Variants in SRRT observed in about 807,000 individuals in gnomAD.
The protein encoded by SRRT is serrate, RNA effector molecule, also known as serrate RNA effector molecule homolog.
Under a neutral mutation model 103.2 loss-of-function variants are expected in SRRT, and 32 were observed. That is an observed-to-expected ratio of 0.31 (90% CI 0.23 to 0.42). The LOEUF (loss-of-function observed/expected upper bound fraction) is 0.42, where lower values mean the gene tolerates loss of function less well. SRRT is among the 10% of genes least tolerant of loss of function. The pLI, the probability that SRRT is intolerant of heterozygous loss-of-function variation, is 1.00. For synonymous variants in SRRT, 525 were observed against 449.0 expected, an observed-to-expected ratio of 1.17 and a Z score of -2.14; for missense variants, 986 against 1,207.5, an observed-to-expected ratio of 0.82 and a Z score of 2.72.
rs961069414 is a variant in SRRT at position 100,885,247 on chromosome 7, A to G, written c.1194A>G (p.Glu398=). 2.7e-5 allele frequency: 43 copies of G among 1,613,936 alleles called. No homozygotes were observed. Among genetic ancestry groups the G allele is most frequent in the Non-Finnish European group, 3.4e-5 (40 of 1,179,960 alleles). ...EALKEKEKPK[E]EEWEKPKDAA... ...TCAAGGAGAAGGAGAAGCCCAAGGAAGAAGAATGGGAGAAGCCCAAGGACG... is the reference window on the plus strand; with the variant it reads ...TCAAGGAGAAGGAGAAGCCCAAGGAGGAAGAATGGGAGAAGCCCAAGGACG... Residue 398 remains glutamate (E), a synonymous_variant, in exon 10 of 20, where the codon GAA becomes GAG. Coordinates refer to ENST00000611405, the MANE Select transcript of SRRT (RefSeq NM_015908.6). This position sits in a 1 kb window ranked among gnomAD's most constrained non-coding sequence, Gnocchi z 4.8.
intron 1 of SRRT, 84 bp downstream of exon 1, chr7:100,875,412 G>A: frequency 7.0e-7 from 1 of 1,420,906 alleles, no homozygotes; most frequent in South Asian, 1.4e-5. Flanking sequence ...AGAAACTCGG[G>A]GCGAGTGGAG....
chr7:100,879,887 G>C (rs889606705), intron 2 of SRRT, among the ~76,000 whole-genome samples: 2 of 152,112 alleles, frequency 1.3e-5, no homozygotes, highest in African/African-American at 2.4e-5. Flanking sequence ...GGTGACTGGT[G>C]GAGAGGCTGG....
At chr7:100,880,010 C>G (rs535516693) in intron 2 of SRRT, among the ~76,000 whole-genome samples, 1 of 152,312 alleles carries the variant, frequency 6.6e-6, no homozygotes, top group East Asian at 1.9e-4. Context: ...TGAGGAAGGT[C>G]TGCCTGCCAG....
intron 2 of SRRT, 71 bp downstream of exon 2, chr7:100,875,783 TC>T: frequency 6.3e-7 from 1 of 1,584,136 alleles, no homozygotes; most frequent in Non-Finnish European, 8.6e-7. Flanking sequence ...CTTTTCTTTC[TC>T]CCCCTTGTAA....
chr7:100,876,004 G>GAT (rs1815658358), intron 2 of SRRT: 1 of 352,246 alleles, frequency 2.8e-6, no homozygotes, highest in Non-Finnish European at 5.5e-6. Context: ...TTGTTATTGA[G>GAT]ATGGGGTCTT....
Position 100,885,653 on chromosome 7 carries a change from C to G in SRRT, c.1318-48C>G. 1.3e-6 allele frequency: 2 copies of G among 1,557,312 alleles called. No individual in the cohort carries two copies. Among genetic ancestry groups the G allele is most frequent in the Non-Finnish European group, 1.7e-6 (2 of 1,144,848 alleles). On this transcript the variant is annotated intron_variant, in intron 10 of 19. Coordinates refer to ENST00000611405, the MANE Select transcript of SRRT (RefSeq NM_015908.6). The surrounding 1 kb of genome is among the most constrained non-coding windows in gnomAD (Gnocchi z 4.8). ...GGCAGTGGGGGATTGGAGGAAGAAG[C>G]GAATGAATCCTTGAGTCACTGTGGG...
chr7:100,886,191 G>GT, intron 12 of SRRT, 56 bp from the exon 13 acceptor site: 2 of 1,571,660 alleles, frequency 1.3e-6, no homozygotes, highest in Non-Finnish European at 8.6e-7. Flanking sequence ...TAGAGCTGCT[G>GT]TTTCTCTGGC....
intron 6 of SRRT, 33 bp from the exon 7 acceptor site, chr7:100,884,335 T>C: frequency 6.2e-7 from 1 of 1,613,120 alleles, no homozygotes; most frequent in Non-Finnish European, 8.5e-7. Context: ...GCCAGGGCCC[T>C]GGGGTCATGA....
In SRRT at chr7:100,887,284, C is replaced by T; in HGVS notation, c.1976-36C>T. 6.2e-7 allele frequency: 1 copy of T among 1,610,264 alleles called. No homozygotes were observed. Among genetic ancestry groups the T allele is most frequent in the Non-Finnish European group, 8.5e-7 (1 of 1,177,204 alleles). ...TGCCACCATCCTTCCTTCTGGCTCCCTTGCCAACCTTCCTTCCTCTGTTCC... is the reference window on the plus strand; with the variant it reads ...TGCCACCATCCTTCCTTCTGGCTCCTTTGCCAACCTTCCTTCCTCTGTTCC... On this transcript the variant is annotated intron_variant, in intron 15 of 19. Transcript: ENST00000611405. This position sits in a 1 kb window ranked among gnomAD's most constrained non-coding sequence, Gnocchi z 4.1.
At chr7:100,884,581 C>G in intron 7 of SRRT, 29 bp downstream of exon 7, 1 of 1,581,610 alleles carries the variant, frequency 6.3e-7, no homozygotes, top group Non-Finnish European at 8.6e-7. Flanking sequence ...CTAGTGTTGT[C>G]CCTGGCAGCC....
At chr7:100,883,396 T>C (rs1789760009) in intron 5 of SRRT, among the ~76,000 whole-genome samples, 1 of 152,216 alleles carries the variant, frequency 6.6e-6, no homozygotes, top group Admixed American at 6.5e-5. Context: ...TCTTCTGTTT[T>C]CCCTCTGAGG....
chr7:100,877,907 T>C (rs1469880218), intron 2 of SRRT, among the ~76,000 whole-genome samples: 1 of 152,248 alleles, frequency 6.6e-6, no homozygotes, highest in Non-Finnish European at 1.5e-5. Flanking sequence ...AAACAGTGAT[T>C]GTTCATACTT....
intron 2 of SRRT, among the ~76,000 whole-genome samples, chr7:100,876,898 A>C (rs1815765091): frequency 6.6e-6 from 1 of 152,178 alleles, no homozygotes; most frequent in Non-Finnish European, 1.5e-5. Context: ...GACACGAGTG[A>C]CATGAACAGC....
intron 2 of SRRT, among the ~76,000 whole-genome samples, chr7:100,878,414 G>A (rs1396187010): frequency 2.6e-5 from 4 of 152,164 alleles, no homozygotes; most frequent in African/African-American, 9.7e-5. Context: ...CAGTGATGCT[G>A]ATGAGTACAT....
intron 2 of SRRT, chr7:100,875,982 CTTT>C (rs917056678): frequency 1.3e-5 from 5 of 386,352 alleles, no homozygotes; most frequent in Non-Finnish European, 2.5e-5. Context: ...TGCTTTTTTG[CTTT>C]TTTTTGTTTT....
chr7:100,876,575 T>C (rs1331413963), intron 2 of SRRT, among the ~76,000 whole-genome samples: 1 of 152,318 alleles, frequency 6.6e-6, no homozygotes, highest in East Asian at 1.9e-4. Flanking sequence ...GTCAGATTAT[T>C]TCCCTGACAA....
Position 100,884,164 on chromosome 7 carries a change from A to G in SRRT, c.682A>G (p.Met228Val), listed in dbSNP as rs1789848032. The change falls in exon 6 of 20, where the codon ATG (methionine) becomes GTG (valine). Residue 228 changes from methionine to valine, a missense_variant. Coordinates refer to ENST00000611405, the MANE Select transcript of SRRT (RefSeq NM_015908.6). ...CCGACTGAGGGTCTTCCTGTCCCTC[A>G]TGGAGACTGGCTGGTTTGATAACCT... The part of the protein sequence containing the change: ...QNRLRVFLSL[M>V]ETGWFDNLLL... The G allele has an allele frequency of 6.2e-7, 1 of 1,614,108 alleles. No homozygotes were observed. Among genetic ancestry groups the G allele is most frequent in the Non-Finnish European group, 8.5e-7 (1 of 1,179,992 alleles).
intron 2 of SRRT, 30 bp downstream of exon 2, chr7:100,875,742 C>G (rs200881332): frequency 2.5e-6 from 4 of 1,610,320 alleles, no homozygotes; most frequent in Non-Finnish European, 3.4e-6. Context: ...ATCTTGTCCC[C>G]GTTTCATGCC....
rs1446673350 is a variant in SRRT, at chr7:100,884,140, C to A, written c.658C>A (p.Arg220=). ...GGAGGCCCGGGGGGCCCTGCAAAAC[C>A]GACTGAGGGTCTTCCTGTCCCTCAT... The part of the protein sequence containing the change: ...RQEARGALQN[R]LRVFLSLMET... The change falls in exon 6 of 20, where the codon CGA becomes AGA. Residue 220 remains arginine (R), a synonymous_variant. Coordinates refer to ENST00000611405, the MANE Select transcript of SRRT (RefSeq NM_015908.6). The A allele has an allele frequency of 6.2e-7, 1 of 1,613,596 alleles. No homozygotes were observed. The highest frequency in any genetic ancestry group is 1.1e-5 in the South Asian group (1 of 90,966).
Sources: allele counts gnomAD v4.1 joint callset (sites outside exome capture counted in the v4.1 genomes callset), GRCh38; gene constraint gnomAD v4.1.1; non-coding constraint Gnocchi (gnomAD v3.1); transcripts MANE v1.5; gene names NCBI Gene and HGNC (gene_info 2026-07-23, HGNC 2026-07-21).